Variants in SSC4D observed in about 807,000 individuals in gnomAD.
SSC4D encodes scavenger receptor cysteine-rich domain-containing group B protein.
In SSC4D, 57 loss-of-function variants were observed where a neutral mutation model predicts 63.4. The observed-to-expected ratio is 0.90, with a 90% CI of 0.73 to 1.12. The LOEUF (loss-of-function observed/expected upper bound fraction) is 1.12. Ranked by LOEUF, SSC4D falls within the 50% of genes most tolerant of loss-of-function variation. SSC4D has a pLI of 0.00. For synonymous variants in SSC4D, 352 were observed against 345.4 expected (o/e 1.02, Z -0.21); for missense variants, 791 against 806.4 (o/e 0.98, Z 0.23).
intron 7 of SSC4D, among the ~76,000 whole-genome samples, chr7:76,394,113 T>G (rs1804574263): frequency 6.6e-6 from 1 of 152,160 alleles, no homozygotes; most frequent in East Asian, 1.9e-4. Context: ...CTAGGTATTA[T>G]CCTAACTTCA....
intron 2 of SSC4D, 55 bp downstream of exon 2, chr7:76,404,252 G>T: frequency 1.3e-6 from 2 of 1,484,778 alleles, no homozygotes; most frequent in Non-Finnish European, 1.8e-6. Flanking sequence ...GTTACAGCTG[G>T]GACAACTGAG....
chr7:76,392,069 G>C lies in SSC4D; in HGVS notation c.1334-28C>G, dbSNP rs759115401. 7.7e-6 allele frequency: 12 copies of C among 1,554,380 alleles called. No individual in the cohort carries two copies. In the South Asian group the frequency reaches 1.4e-4, roughly 18 times the overall value. ...GGTTCAGGAAGGACAGAGATAAAGA[G>C]GTGGCTCTCACAATGGGAAGCATGT... is the stretch of plus-strand genomic sequence containing the variant. On this transcript the variant is annotated intron_variant, in intron 9 of 10. Transcript: ENST00000275560.
At chr7:76,405,564 C>T (rs1488519617) in intron 1 of SSC4D, among the ~76,000 whole-genome samples, 1 of 151,092 alleles carries the variant, frequency 6.6e-6, no homozygotes, top group Non-Finnish European at 1.5e-5. Flanking sequence ...AGGAGGATCA[C>T]TTGCACCAAG....
intron 1 of SSC4D, among the ~76,000 whole-genome samples, chr7:76,405,345 T>C (rs1402623287): frequency 1.4e-4 from 15 of 105,142 alleles, no homozygotes; most frequent in African/African-American, 4.5e-4. Flanking sequence ...CTTTCTTTTT[T>C]TTTTTTTTTT....
chr7:76,390,781 C>CA (rs1204579027), intron 10 of SSC4D, among the ~76,000 whole-genome samples: 4 of 152,146 alleles, frequency 2.6e-5, no homozygotes, highest in African/African-American at 9.6e-5. Flanking sequence ...CGTGCCACTG[C>CA]ACTCCAGCCT....
At position 76,395,307 on chromosome 7, in the gene SSC4D, C is replaced by T; in HGVS notation, c.892G>A (p.Ala298Thr). 1 of 1,613,864 alleles carries T rather than the reference C, an allele frequency of 6.2e-7. No individual in the cohort carries two copies. Among genetic ancestry groups the T allele is most frequent in the South Asian group, 1.1e-5 (1 of 91,054 alleles). Residue 298 changes from alanine to threonine, a missense_variant, in exon 7 of 11, where the codon GCA (alanine) becomes ACA (threonine). Transcript: ENST00000275560. The part of the protein sequence containing the change: ...CAGLGPPTLT[A>T]LPSSATREDW... ...TCTCTTGTGGCTGAGGATGGCAGTG[C>T]TGTGAGCGTTGGGGGACCCAGGCCT...
rs770061203 is a variant in SSC4D at position 76,390,252 on chromosome 7, C to T, written c.1535G>A (p.Arg512His). 2.3e-5 allele frequency: 37 copies of T among 1,613,942 alleles called. No homozygotes were observed. Among genetic ancestry groups the T allele is most frequent in the Non-Finnish European group, 3.1e-5 (36 of 1,179,932 alleles). Residue 512 changes from arginine (R) to histidine (H), a missense_variant, in exon 11 of 11, where the codon CGC (arginine) becomes CAC (histidine). Coordinates refer to ENST00000275560, the MANE Select transcript of SSC4D (RefSeq NM_080744.2). ...GAGGGCCTGGCCACAGCCCAGCTGGCGGCACAGGACACCGGCTGCCCGCAG... is the reference window on the plus strand; with the variant it reads ...GAGGGCCTGGCCACAGCCCAGCTGGTGGCACAGGACACCGGCTGCCCGCAG... ...WDLRAAGVLC[R>H]QLGCGQALAA...
chr7:76,405,918 C>G (rs1805010296), intron 1 of SSC4D, among the ~76,000 whole-genome samples: 1 of 151,946 alleles, frequency 6.6e-6, no homozygotes, highest in Non-Finnish European at 1.5e-5. Context: ...TTCCCTCCCT[C>G]TCTCCCTTTC....
chr7:76,397,550 C>A lies in SSC4D; in HGVS notation c.836G>T (p.Gly279Val). The part of the protein sequence containing the change: ...QSLGWGVHNC[G>V]HHEDAGALCA... ...GAGCGCGCCCGCGTCCTCGTGGTGG[C>A]CGCAGTTGTGCACACCCCAGCCCAG... Residue 279 changes from glycine to valine, a missense_variant, in exon 6 of 11, where the codon GGC (glycine) becomes GTC (valine). Transcript: ENST00000275560. 1 of 1,595,606 alleles carries A rather than the reference C, an allele frequency of 6.3e-7. No individual in the cohort carries two copies. The highest frequency in any genetic ancestry group is 1.1e-5 in the South Asian group (1 of 89,338).
In SSC4D at chr7:76,407,597, G is replaced by A. The variant is rs545870760; in HGVS notation, c.-67+1817C>T. On this transcript the variant is annotated intron_variant, in intron 1 of 10. Transcript: ENST00000275560. ...ACTAAAAAACAATTAGCTGGGCATG[G>A]TGGTGCATGCCTGTAATCCCAGTGC... Among the ~76,000 whole-genome samples, 3 of 152,246 alleles carry A rather than the reference G, an allele frequency of 2.0e-5. No individual in the cohort carries two copies. The East Asian group carries it at 5.8e-4, about 29-fold the overall frequency.
intron 5 of SSC4D, 23 bp downstream of exon 5, chr7:76,398,697 G>T (rs1440264159): frequency 6.2e-7 from 1 of 1,611,296 alleles, no homozygotes; most frequent in East Asian, 2.2e-5. Flanking sequence ...AACCCAGGTG[G>T]TGCCCACATT....
intron 6 of SSC4D, among the ~76,000 whole-genome samples, chr7:76,396,760 C>A (rs1804650069): frequency 1.3e-5 from 2 of 152,204 alleles, no homozygotes; most frequent in Admixed American, 1.3e-4. Flanking sequence ...TTATCTCTTA[C>A]AGAGCAGAGT....
At chr7:76,393,144 G>A (rs572625663) in intron 9 of SSC4D, among the ~76,000 whole-genome samples, 1 of 152,242 alleles carries the variant, frequency 6.6e-6, no homozygotes, top group Non-Finnish European at 1.5e-5. Flanking sequence ...CCTGACCTTC[G>A]GACACCGCCC....
chr7:76,405,307 A>C (rs1402572108), intron 1 of SSC4D, among the ~76,000 whole-genome samples: 1,147 of 46,080 alleles, frequency 0.025, 60 homozygotes, highest in African/African-American at 0.06. Context: ...ATATATATAT[A>C]TATATATATG....
Position 76,404,435 on chromosome 7 carries a change from T to G in SSC4D, c.5A>C (p.His2Pro), listed in dbSNP as rs1475908970. ...ACCAATTAGCATCTCTGCTTCCTTG[T>G]GCATCTAGATGGTGAAGGGTGTTTC... M[H>P]KEAEMLIGPQ... Residue 2 changes from histidine to proline, a missense_variant, in exon 2 of 11, where the codon CAC becomes CCC. Transcript: ENST00000275560. The G allele has an allele frequency of 6.2e-7, 1 of 1,613,928 alleles. No individual in the cohort carries two copies. Among genetic ancestry groups the G allele is most frequent in the East Asian group, 2.2e-5 (1 of 44,884 alleles).
intron 2 of SSC4D, among the ~76,000 whole-genome samples, chr7:76,401,260 G>C (rs946860188): frequency 6.6e-5 from 10 of 152,080 alleles, no homozygotes; most frequent in African/African-American, 2.2e-4. Context: ...GGCCAACCTA[G>C]AGAGATCTGC....
chr7:76,393,404 C>A lies in SSC4D; in HGVS notation c.1333+1G>T. 7.0e-7 allele frequency: 1 copy of A among 1,436,390 alleles called. No individual in the cohort carries two copies. The highest frequency in any genetic ancestry group is 9.1e-7 in the Non-Finnish European group (1 of 1,096,462). The allele number at this position is 1,436,390 out of a possible 1,614,324, so 89.0% of individuals were successfully genotyped here. A position where few individuals can be genotyped will look rare whatever the true frequency, so the allele number is the denominator to read the frequency against. On this transcript the variant is annotated splice_donor_variant, in intron 9 of 10. Coordinates refer to ENST00000275560, the MANE Select transcript of SSC4D (RefSeq NM_080744.2). LOFTEE classifies it high-confidence loss of function. ...AGCCTCACCTTCGCTGTCAGCCTCA[C>A]CTGCGCAGAGCGCTCCCGCGTCCTC...
rs766899317 is a variant in SSC4D at position 76,403,347 on chromosome 7, C to CTTTTTTTTT, written c.133+959_133+960insAAAAAAAAA. Among the ~76,000 whole-genome samples the CTTTTTTTTT allele has an allele frequency of 1.1e-4, 17 of 149,614 alleles. 4 individuals carry two copies. The highest frequency in any genetic ancestry group is 1.9e-4 in the Non-Finnish European group (13 of 67,130). The stretch of plus-strand genomic sequence containing the variant: ...TGATGAAGAAACTGAGACTCCACTT[C>CTTTTTTTTT]TTTTTTTTGAGACAGAGTCTCGCCC... On this transcript the variant is annotated intron_variant, in intron 2 of 10. Coordinates refer to ENST00000275560, the MANE Select transcript of SSC4D (RefSeq NM_080744.2).
intron 4 of SSC4D, among the ~76,000 whole-genome samples, chr7:76,399,529 T>C (rs1054469711): frequency 1.3e-5 from 2 of 151,692 alleles, no homozygotes; most frequent in African/African-American, 2.4e-5. Context: ...GTGACCCCAA[T>C]AGTCGTTTTT....
Sources: gnomAD v4.1 joint callset for allele counts (sites outside exome capture counted in the v4.1 genomes callset) on GRCh38, gnomAD v4.1.1 for gene constraint, MANE v1.5 for transcripts, NCBI Gene and HGNC (gene_info 2026-07-23, HGNC 2026-07-21) for gene names.